Variants in EYS observed in about 807,000 individuals in gnomAD.
EYS encodes EGF-like photoreceptor maintenance factor.
In EYS, 250 loss-of-function variants were observed where a neutral mutation model predicts 282.1. The observed-to-expected ratio is 0.89, with a 90% CI of 0.80 to 0.98. EYS has a LOEUF of 0.98. EYS is among the 50% of genes least tolerant of loss of function. The probability of loss-of-function intolerance (pLI) is 0.00; values close to 1 mark genes in which losing one functional copy is unlikely to be tolerated. For synonymous variants in EYS, 1,355 were observed against 1,282.9 expected (o/e 1.06, Z -1.20); for missense variants, 4,016 against 3,709.0 (o/e 1.08, Z -2.15).
At position 64,013,948 on chromosome 6, in the gene EYS, C is replaced by T. The variant is rs116201758; in HGVS notation, c.6726-14765G>A. ...CCTACACATGTTCAGTTTACAAATA[C>T]GAGATAGTATTTAATTTTATTCTCC... On this transcript the variant is annotated intron_variant, in intron 33 of 42. Coordinates refer to ENST00000503581, the MANE Select transcript of EYS (RefSeq NM_001142800.2). Among the ~76,000 whole-genome samples the T allele has an allele frequency of 2.5e-3, 376 of 152,088 alleles. 3 individuals carry two copies. The highest frequency in any genetic ancestry group is 8.6e-3 in the African/African-American group (356 of 41,504).
chr6:64,960,421 T>A (rs1228294686), intron 14 of EYS, among the ~76,000 whole-genome samples: 1 of 152,188 alleles, frequency 6.6e-6, no homozygotes, highest in Non-Finnish European at 1.5e-5. Context: ...TGTCAATAAT[T>A]TTTTAACAAT....
chr6:63,812,392 A>G (rs1353743090), intron 36 of EYS, among the ~76,000 whole-genome samples: 1 of 151,950 alleles, frequency 6.6e-6, no homozygotes, highest in Non-Finnish European at 1.5e-5. Flanking sequence ...CACCCTATTA[A>G]AGTATTAATC....
intron 14 of EYS, among the ~76,000 whole-genome samples, chr6:64,974,318 C>G (rs1770401506): frequency 6.6e-6 from 1 of 151,726 alleles, no homozygotes; most frequent in Non-Finnish European, 1.5e-5. Flanking sequence ...AAAATAAAAG[C>G]CTTCTCATGT....
intron 14 of EYS, among the ~76,000 whole-genome samples, chr6:64,986,401 G>T (rs1770858794): frequency 6.6e-6 from 1 of 151,252 alleles, no homozygotes; most frequent in Non-Finnish European, 1.5e-5. Flanking sequence ...GAATGAAAAG[G>T]CAGTACAAAA....
At chr6:64,310,701 A>G (rs894339410) in intron 29 of EYS, among the ~76,000 whole-genome samples, 5 of 152,182 alleles carry the variant, frequency 3.3e-5, no homozygotes, top group East Asian at 3.8e-4. Flanking sequence ...CAGTTTACCT[A>G]TAAACCTGCA....
rs151039077 is a variant in EYS at position 65,164,947 on chromosome 6, C to A, written c.2024-107220G>T. ...TTCAATTAGGGGCCACCATAATGAT[C>A]TCATTTTAACTTAATTAGTGCTATG... On this transcript the variant is annotated intron_variant, in intron 12 of 42. Coordinates refer to ENST00000503581, the MANE Select transcript of EYS (RefSeq NM_001142800.2). 2.1e-3 allele frequency among the ~76,000 whole-genome samples: 325 copies of A among 151,348 alleles called. 3 individuals are homozygous for A. The highest frequency in any genetic ancestry group is 7.5e-3 in the Admixed American group (113 of 15,142).
intron 26 of EYS, among the ~76,000 whole-genome samples, chr6:64,539,482 G>A (rs1383218914): frequency 6.6e-6 from 1 of 152,158 alleles, no homozygotes; most frequent in Non-Finnish European, 1.5e-5. Context: ...GGCTGAGGTG[G>A]GAGGATAGCC....
At chr6:64,092,980 A>T (rs1772428462) in intron 31 of EYS, among the ~76,000 whole-genome samples, 1 of 151,510 alleles carries the variant, frequency 6.6e-6, no homozygotes, top group Non-Finnish European at 1.5e-5. Flanking sequence ...ATGGCTAGCC[A>T]GTTTTCCCAG....
At chr6:64,717,411 C>A (rs1159357575) in intron 22 of EYS, among the ~76,000 whole-genome samples, 5 of 152,200 alleles carry the variant, frequency 3.3e-5, no homozygotes, top group Non-Finnish European at 7.3e-5. Flanking sequence ...TCATAAGGAG[C>A]TTGCAGCTTA....
intron 22 of EYS, among the ~76,000 whole-genome samples, chr6:64,784,379 A>G (rs1773953509): frequency 6.6e-6 from 1 of 151,994 alleles, no homozygotes; most frequent in South Asian, 2.1e-4. Flanking sequence ...TTATTTTGTG[A>G]AGCTTTATTA....
intron 35 of EYS, among the ~76,000 whole-genome samples, chr6:63,874,091 T>C (rs1466772874): frequency 6.6e-6 from 1 of 152,194 alleles, no homozygotes; most frequent in Non-Finnish European, 1.5e-5. Flanking sequence ...CTGAATGGTA[T>C]TGCCTAGGTT....
At chr6:64,090,317 T>C (rs547090332) in intron 31 of EYS, among the ~76,000 whole-genome samples, 1 of 152,270 alleles carries the variant, frequency 6.6e-6, no homozygotes, top group African/African-American at 2.4e-5. Context: ...ATCTTTAACA[T>C]AGATAGAGCC....
rs571864385 is a variant in EYS, at chr6:65,137,585, G to A, written c.2024-79858C>T. 1.8e-4 allele frequency among the ~76,000 whole-genome samples: 27 copies of A among 152,162 alleles called. No individual in the cohort carries two copies. The South Asian group carries it at 2.5e-3, about 14-fold the overall frequency. Reference sequence around the variant, plus strand: ...AAAAGAAGTATCTGAGGAAAAGAGAGGTCTGGGGAAAGCAGGAAGCCACTA... The same window carrying A: ...AAAAGAAGTATCTGAGGAAAAGAGAAGTCTGGGGAAAGCAGGAAGCCACTA... On this transcript the variant is annotated intron_variant, in intron 12 of 42. Transcript: ENST00000503581.
At chr6:63,829,195 A>G (rs1239208136) in intron 36 of EYS, among the ~76,000 whole-genome samples, 1 of 152,120 alleles carries the variant, frequency 6.6e-6, no homozygotes, top group African/African-American at 2.4e-5. Flanking sequence ...TGCATTTCCA[A>G]CTGAGGTACC....
rs12663622 is a variant in EYS, at chr6:64,591,894, G to C, written c.3973C>G (p.Gln1325Glu). The change falls in exon 26 of 43, where the codon CAA (glutamine) becomes GAA (glutamate). Residue 1325 changes from glutamine to glutamate, a missense_variant. By Grantham distance (29) the Gln-to-Glu change is conservative. Coordinates refer to ENST00000503581, the MANE Select transcript of EYS (RefSeq NM_001142800.2). ...AGCTCTCTAGTGACAATCAGTTCTT[G>C]GAGTAAGTAGCTTTCCAAGGGTGTG... Reference protein sequence around the residue: ...ISTPLESYLLQELIVTRELSA... With the variant: ...ISTPLESYLLEELIVTRELSA... The C allele has an allele frequency of 0.13, 198,897 of 1,547,756 alleles. 13,776 individuals carry two copies. Among genetic ancestry groups the C allele is most frequent in the East Asian group, 0.15 (6,009 of 40,864 alleles).
chr6:63,999,642 C>T (rs1767987363), intron 33 of EYS, among the ~76,000 whole-genome samples: 1 of 152,152 alleles, frequency 6.6e-6, no homozygotes. Context: ...TGAAAGGCTG[C>T]ATACCCCTGA....
At chr6:64,534,068 T>C (rs979808853) in intron 26 of EYS, among the ~76,000 whole-genome samples, 5 of 151,804 alleles carry the variant, frequency 3.3e-5, no homozygotes, top group East Asian at 3.9e-4. Flanking sequence ...AATGGGAATA[T>C]TTTCTATTTT....
At chr6:64,435,170 A>C (rs1774698785) in intron 28 of EYS, among the ~76,000 whole-genome samples, 1 of 151,908 alleles carries the variant, frequency 6.6e-6, no homozygotes, top group Non-Finnish European at 1.5e-5. Context: ...AAGCATTAAG[A>C]AAAAAAAGAA....
At chr6:64,878,828 G>C (rs9363288) in intron 19 of EYS, among the ~76,000 whole-genome samples, 23,448 of 151,666 alleles carry the variant, frequency 0.15, 2,138 homozygotes, top group East Asian at 0.49. Context: ...TGGAAGACTT[G>C]TATTTTCCTA....
Sources: gnomAD v4.1 joint callset for allele counts (sites outside exome capture counted in the v4.1 genomes callset) on GRCh38, gnomAD v4.1.1 for gene constraint, MANE v1.5 for transcripts, NCBI Gene and HGNC (gene_info 2026-07-23, HGNC 2026-07-21) for gene names.